RFC2: variants seen among roughly 807,000 people sequenced by gnomAD.
RFC2 encodes the protein A1 40 kDa subunit.
A neutral mutation model predicts 44.8 loss-of-function variants in RFC2; 34 were observed. The ratio of observed to expected loss-of-function variants is 0.76; its 90% CI spans 0.58 to 1.01. The LOEUF (loss-of-function observed/expected upper bound fraction) is 1.01, where lower values mean the gene tolerates loss of function less well. RFC2 is among the 50% of genes least tolerant of loss of function. RFC2 has a pLI of 0.00. For synonymous variants in RFC2, 177 were observed against 168.9 expected (o/e 1.05, Z -0.37); for missense variants, 400 against 453.6 (o/e 0.88, Z 1.07).
At chr7:74,243,397 C>G (rs192607742) in intron 5 of RFC2, 151 bp from the exon 6 acceptor site, 2 of 608,708 alleles carry the variant, frequency 3.3e-6, no homozygotes, top group Non-Finnish European at 5.9e-6. Context: ...AATGCTAACA[C>G]CTGCAGGCCG....
intron 2 of RFC2, among the ~76,000 whole-genome samples, chr7:74,250,101 T>C (rs1786832889): frequency 1.3e-5 from 2 of 149,900 alleles, no homozygotes; most frequent in Admixed American, 6.7e-5. Context: ...CGCAGTGAGC[T>C]GTGACTGCAC....
At position 74,239,853 on chromosome 7, in the gene RFC2, G is replaced by A. The variant is rs1803226340; in HGVS notation, c.693+85C>T. On this transcript the variant is annotated intron_variant, in intron 7 of 10. Coordinates refer to ENST00000055077, the MANE Select transcript of RFC2 (RefSeq NM_181471.3). ...GTCTCTTTCTCTTGTTGTACCTTGT[G>A]CAGCTGTCACTTCCCTCCCCTTCCC... 3.1e-6 allele frequency: 4 copies of A among 1,273,940 alleles called. No individual in the cohort carries two copies. The African/African-American group carries it at 6.0e-5, about 19-fold the overall frequency. The allele number at this position is 1,273,940 out of a possible 1,614,324, so 78.9% of individuals were successfully genotyped here. A position where few individuals can be genotyped will look rare whatever the true frequency, so the allele number is the denominator to read the frequency against.
intron 4 of RFC2, among the ~76,000 whole-genome samples, chr7:74,248,734 T>C (rs1554720510): frequency 6.6e-6 from 1 of 152,054 alleles, no homozygotes; most frequent in Non-Finnish European, 1.5e-5. Context: ...ATTCCTGACC[T>C]CAGGTGATCT....
chr7:74,234,049 C>T (rs961826760), intron 10 of RFC2, among the ~76,000 whole-genome samples: 1 of 152,150 alleles, frequency 6.6e-6, no homozygotes, highest in Non-Finnish European at 1.5e-5. Flanking sequence ...AATCTGTAAA[C>T]CCAAATGTCC....
At chr7:74,245,714 C>CAAA (rs1182981268) in intron 5 of RFC2, among the ~76,000 whole-genome samples, 1,373 of 65,838 alleles carry the variant, frequency 0.021, 23 homozygotes, top group African/African-American at 0.063. Flanking sequence ...CTCCGTCTCA[C>CAAA]AAAAAAAAAA....
At position 74,238,794 on chromosome 7, in the gene RFC2, T is replaced by C. The variant is rs1803158193; in HGVS notation, c.759+129A>G. The C allele has an allele frequency of 1.4e-6, 1 of 697,334 alleles. No individual in the cohort carries two copies. The highest frequency in any genetic ancestry group is 2.5e-6 in the Non-Finnish European group (1 of 392,630). 43.2% of individuals were successfully genotyped at this position (697,334 alleles called of 1,614,324 possible). On this transcript the variant is annotated intron_variant, in intron 8 of 10. Coordinates refer to ENST00000055077, the MANE Select transcript of RFC2 (RefSeq NM_181471.3). The surrounding 1 kb of genome is among the most constrained non-coding windows in gnomAD (Gnocchi z 4.0). ...AGGGAGAGGACAGACGGGAGCAGGG[T>C]GGGCTCCCTGGCACCCACAAGAGCA... is the stretch of plus-strand genomic sequence containing the variant.
At position 74,243,072 on chromosome 7, in the gene RFC2, G is replaced by A. The variant is rs1251583334; in HGVS notation, c.535+74C>T. The A allele has an allele frequency of 1.8e-5, 17 of 951,402 alleles. No individual in the cohort carries two copies. In the African/African-American group the frequency reaches 2.6e-4, roughly 15 times the overall value. 58.9% of individuals were successfully genotyped at this position (951,402 alleles called of 1,614,324 possible). A position where few individuals can be genotyped will look rare whatever the true frequency, so the allele number is the denominator to read the frequency against. ...GCACTCCAGCCTGAGCGAAGAGGGAGACCACATCTATAAAAAAGAAAAAAG... is the reference window on the plus strand; with the variant it reads ...GCACTCCAGCCTGAGCGAAGAGGGAAACCACATCTATAAAAAAGAAAAAAG... On this transcript the variant is annotated intron_variant, in intron 6 of 10. Transcript: ENST00000055077.
chr7:74,244,886 CGAG>C (rs1397329567), intron 5 of RFC2, among the ~76,000 whole-genome samples: 1 of 151,740 alleles, frequency 6.6e-6, no homozygotes, highest in Non-Finnish European at 1.5e-5. Context: ...TCATTACAGC[CGAG>C]GAGTTCAAGG....
At chr7:74,239,717 G>A (rs1050091289) in intron 7 of RFC2, among the ~76,000 whole-genome samples, 3 of 152,180 alleles carry the variant, frequency 2.0e-5, no homozygotes, top group Non-Finnish European at 4.4e-5. Flanking sequence ...GACCTCAGGT[G>A]ATCCTCCTGC....
At chr7:74,239,910 C>T in intron 7 of RFC2, 28 bp downstream of exon 7, 1 of 1,561,676 alleles carries the variant, frequency 6.4e-7, no homozygotes, top group Non-Finnish European at 8.7e-7. Context: ...ACAGGATGCC[C>T]ACGCCTGAAT....
rs1170103949 is a variant in RFC2, at chr7:74,238,170, G to A, written c.760-728C>T. 6.6e-6 allele frequency among the ~76,000 whole-genome samples: 1 copy of A among 151,320 alleles called. No individual in the cohort carries two copies. The highest frequency in any genetic ancestry group is 1.5e-5 in the Non-Finnish European group (1 of 67,814). On this transcript the variant is annotated intron_variant, in intron 8 of 10. Transcript: ENST00000055077. This position sits in a 1 kb window ranked among gnomAD's most constrained non-coding sequence, Gnocchi z 4.0. ...GGGCCTCCCCTTCCTAAGTGGCCTC[G>A]AAAATGCATTCACTGCCCAGATCTA...
chr7:74,243,937 T>C (rs1803465799), intron 5 of RFC2, among the ~76,000 whole-genome samples: 2 of 150,880 alleles, frequency 1.3e-5, no homozygotes, highest in Non-Finnish European at 3.0e-5. Context: ...TGATAGTATA[T>C]AAAAAGAGAA....
chr7:74,254,305 C>T lies in RFC2; in HGVS notation c.79G>A (p.Ala27Thr), dbSNP rs782622306. 4 of 1,612,584 alleles carry T rather than the reference C, an allele frequency of 2.5e-6. No homozygotes were observed. Among genetic ancestry groups the T allele is most frequent in the African/African-American group, 1.3e-5 (1 of 74,880 alleles). ...TCGTAGTGGCCGGCGCTGCCGGGGG[C>T]CTTGCTGAAGGCAGGGGCAGGGTCA... ...DSDPAPAFSK[A>T]PGSAGHYELP... is the part of the protein sequence containing the mutation. The change falls in exon 1 of 11, where the codon GCC becomes ACC. Residue 27 changes from alanine (A) to threonine (T), a missense_variant. Transcript: ENST00000055077.
intron 7 of RFC2, among the ~76,000 whole-genome samples, chr7:74,239,266 C>A (rs1358980884): frequency 6.7e-6 from 1 of 149,636 alleles, no homozygotes; most frequent in African/African-American, 2.5e-5. Context: ...ATCTCCGTAT[C>A]CCAGGTTCAA....
intron 5 of RFC2, among the ~76,000 whole-genome samples, chr7:74,245,967 C>T (rs1436085799): frequency 6.6e-5 from 10 of 151,734 alleles, no homozygotes; most frequent in African/African-American, 1.2e-4. Context: ...GAGGCTGAGG[C>T]GGGCGGATCA....
chr7:74,248,852 C>T (rs1032570814), intron 4 of RFC2, among the ~76,000 whole-genome samples, 160 bp downstream of exon 4: 1 of 152,100 alleles, frequency 6.6e-6, no homozygotes, highest in Non-Finnish European at 1.5e-5. Context: ...AATAAACCGG[C>T]AAGTTGACAA....
chr7:74,236,548 C>T (rs1803026497), intron 9 of RFC2, among the ~76,000 whole-genome samples: 1 of 152,198 alleles, frequency 6.6e-6, no homozygotes, highest in Non-Finnish European at 1.5e-5. Flanking sequence ...GCTCACAGCA[C>T]TCAGTCCCAT....
At chr7:74,235,747 C>T (rs1479882773) in intron 9 of RFC2, 102 bp from the exon 10 acceptor site, 7 of 756,180 alleles carry the variant, frequency 9.3e-6, no homozygotes, top group Non-Finnish European at 1.7e-5. Flanking sequence ...CTTCAGGTCA[C>T]ATGGGGGTAC....
At position 74,240,066 on chromosome 7, in the gene RFC2, G is replaced by A. The variant is rs782505048; in HGVS notation, c.565C>T (p.Arg189Trp). ...TGGGCGTCGGTCAGCTTTGTGTACCGGAGGACTGCACAGCGGGACTGAATG... is the reference window on the plus strand; with the variant it reads ...TGGGCGTCGGTCAGCTTTGTGTACCAGAGGACTGCACAGCGGGACTGAATG... ...EPIQSRCAVL[R>W]YTKLTDAQIL... The change falls in exon 7 of 11, where the codon CGG (arginine) becomes TGG (tryptophan). Residue 189 changes from arginine (R) to tryptophan (W), a missense_variant. Physicochemically the swap from Arg to Trp is moderately radical, Grantham distance 101 (BLOSUM62 -3). Transcript: ENST00000055077. 11 of 1,613,884 alleles carry A rather than the reference G, an allele frequency of 6.8e-6. No individual in the cohort carries two copies. Among genetic ancestry groups the A allele is most frequent in the African/African-American group, 5.3e-5 (4 of 74,886 alleles).
Sources: gnomAD v4.1 joint callset for allele counts (sites outside exome capture counted in the v4.1 genomes callset) on GRCh38, gnomAD v4.1.1 for gene constraint, Gnocchi (gnomAD v3.1) non-coding constraint, MANE v1.5 for transcripts, NCBI Gene and HGNC (gene_info 2026-07-23, HGNC 2026-07-21) for gene names.